The following MORC2 variants were observed in gnomAD, a reference collection of about 807,000 sequenced individuals.
MORC2 encodes the protein MORC family CW-type zinc finger 2, also known as ATPase MORC2.
A neutral mutation model predicts 136.0 loss-of-function variants in MORC2; 30 were observed. The ratio of observed to expected loss-of-function variants is 0.22; its 90% CI spans 0.17 to 0.30. MORC2 has a LOEUF of 0.30. Ranked by LOEUF, MORC2 falls within the 10% of genes least tolerant of loss-of-function variation. The pLI is 1.00. For synonymous variants in MORC2, 439 were observed against 487.0 expected, an observed-to-expected ratio of 0.90 and a Z score of 1.30; for missense variants, 922 against 1,333.1, an observed-to-expected ratio of 0.69 and a Z score of 4.80.
Position 30,940,056 on chromosome 22 carries a change from A to G in MORC2, c.905-15T>C, listed in dbSNP as rs1462542827. 1.2e-6 allele frequency: 2 copies of G among 1,612,566 alleles called. No homozygotes were observed. Among genetic ancestry groups the G allele is most frequent in the Admixed American group, 1.7e-5 (1 of 59,992 alleles). ...CTTCTCTTCAGCTGAAACCCAGAAG[A>G]GAACATGGTAAGAAATGCAAAGGTT... On this transcript the variant is annotated splice_polypyrimidine_tract_variant and intron_variant, in intron 10 of 25. Transcript: ENST00000397641.
chr22:30,954,937 C>T (rs2040944201), intron 3 of MORC2, among the ~76,000 whole-genome samples: 1 of 151,558 alleles, frequency 6.6e-6, no homozygotes, highest in African/African-American at 2.4e-5. Context: ...AAAGGCACCT[C>T]CATCTGGCCT....
In MORC2 at chr22:30,937,804, A is replaced by C; in HGVS notation, c.1369+11T>G. 1 of 1,614,152 alleles carries C rather than the reference A, an allele frequency of 6.2e-7. No individual in the cohort carries two copies. Among genetic ancestry groups the C allele is most frequent in the South Asian group, 1.1e-5 (1 of 91,080 alleles). ...AGAAAAGGCAGAGGCCCAGCAGCCC[A>C]GCCCCATTACCGATGGCAATATCCT... On this transcript the variant is annotated intron_variant, in intron 14 of 25. Coordinates refer to ENST00000397641, the MANE Select transcript of MORC2 (RefSeq NM_001303256.3). This position sits in a 1 kb window ranked among gnomAD's most constrained non-coding sequence, Gnocchi z 4.7.
rs1376305551 is a variant in MORC2 at position 30,939,645 on chromosome 22, T to C, written c.1049A>G (p.Lys350Arg). The change falls in exon 12 of 26, where the codon AAG becomes AGG. Residue 350 changes from lysine (K) to arginine (R), a missense_variant. Lys to Arg is a conservative substitution (Grantham distance 26, BLOSUM62 2). This residue lies in a region of MORC2 where 261 missense variants were observed against 354.3 expected (regional missense o/e 0.74). Coordinates refer to ENST00000397641, the MANE Select transcript of MORC2 (RefSeq NM_001303256.3). ...ITLRREADVK[K>R]RIKEAKQRAL... ...CCGCTGCTTGGCCTCCTTGATCCTC[T>C]TCTTGACATCGGCTTCTCTGCGCAG... The C allele has an allele frequency of 3.7e-6, 6 of 1,614,058 alleles. No individual in the cohort carries two copies. Among genetic ancestry groups the C allele is most frequent in the Non-Finnish European group, 5.1e-6 (6 of 1,180,044 alleles).
rs1174150540 is a variant in MORC2, at chr22:30,967,978, A to G, written c.-89T>C. The stretch of plus-strand genomic sequence containing the variant: ...GATTTCCCAGGATTCTGTCCAGTAA[A>G]GCTTCAGTAAGTCTGTGCTCCTTAA... On this transcript the variant is annotated 5_prime_UTR_variant, in exon 1 of 26. Transcript: ENST00000397641. 1 of 1,151,932 alleles carries G rather than the reference A, an allele frequency of 8.7e-7. No individual in the cohort carries two copies. Among genetic ancestry groups the G allele is most frequent in the Non-Finnish European group, 1.3e-6 (1 of 786,166 alleles). The allele number at this position is 1,151,932 out of a possible 1,614,324, so 71.4% of individuals were successfully genotyped here. A position where few individuals can be genotyped will look rare whatever the true frequency, so the allele number is the denominator to read the frequency against.
intron 16 of MORC2, 56 bp from the exon 17 acceptor site, chr22:30,936,699 GGACC>G: frequency 6.3e-7 from 1 of 1,592,338 alleles, no homozygotes; most frequent in Non-Finnish European, 8.5e-7. Context: ...AGCTCGGCAA[GGACC>G]TTTCTCTTCA....
Position 30,939,664 on chromosome 22 carries a change from T to A in MORC2, c.1030A>T (p.Arg344Ter). The A allele has an allele frequency of 6.2e-7, 1 of 1,614,192 alleles. No homozygotes were observed. Among genetic ancestry groups the A allele is most frequent in the Non-Finnish European group, 8.5e-7 (1 of 1,180,044 alleles). The stretch of plus-strand genomic sequence containing the variant: ...ATCCTCTTCTTGACATCGGCTTCTC[T>A]GCGCAGAGTGATGGCTCTGTTCTGG... ...QVQNRAITLR[R>*]EADVKKRIKE... The change falls in exon 12 of 26, where the codon AGA becomes TGA. Residue 344 changes from arginine to a stop codon, truncating the protein, a stop_gained. Coordinates refer to ENST00000397641, the MANE Select transcript of MORC2 (RefSeq NM_001303256.3). LOFTEE classifies it high-confidence loss of function.
rs1486041184 is a variant in MORC2 at position 30,949,965 on chromosome 22, AAGGAAATTC to A, written c.227-132_227-124del. 51 of 816,994 alleles carry A rather than the reference AAGGAAATTC, an allele frequency of 6.2e-5. 1 individual carries two copies. In the African/African-American group the frequency reaches 7.2e-4, roughly 11 times the overall value. 50.6% of individuals were successfully genotyped at this position (816,994 alleles called of 1,614,324 possible). On this transcript the variant is annotated intron_variant, in intron 4 of 25. Transcript: ENST00000397641. Reference sequence around the variant, plus strand: ...GTGTATCTGCTGAAAACCTCTCTCCAAGGAAATTCACCACCATGAAGCACATGGAGGCAC... The same window carrying A: ...GTGTATCTGCTGAAAACCTCTCTCCAACCACCATGAAGCACATGGAGGCAC...
At position 30,933,931 on chromosome 22, in the gene MORC2, G is replaced by T. The variant is rs1478651453; in HGVS notation, c.2325+129C>A. 14 of 1,084,294 alleles carry T rather than the reference G, an allele frequency of 1.3e-5. No homozygotes were observed. In the East Asian group the frequency reaches 1.5e-4, roughly 11 times the overall value. 67.2% of individuals were successfully genotyped at this position (1,084,294 alleles called of 1,614,324 possible). A position where few individuals can be genotyped will look rare whatever the true frequency, so the allele number is the denominator to read the frequency against. On this transcript the variant is annotated intron_variant, in intron 20 of 25. Coordinates refer to ENST00000397641, the MANE Select transcript of MORC2 (RefSeq NM_001303256.3). Reference sequence around the variant, plus strand: ...GTTGGTGCAGACTGCTGGTGGGGGGGGTAGACTGCTGGTGGGTTGTGTAGA... The same window carrying T: ...GTTGGTGCAGACTGCTGGTGGGGGGTGTAGACTGCTGGTGGGTTGTGTAGA...
chr22:30,933,622 T>C, intron 20 of MORC2, 102 bp from the exon 21 acceptor site: 2 of 1,165,558 alleles, frequency 1.7e-6, no homozygotes, highest in Non-Finnish European at 2.5e-6. Context: ...CTTCACGACT[T>C]CCTGTGCTAC....
intron 25 of MORC2, among the ~76,000 whole-genome samples, chr22:30,927,719 C>T (rs780000140): frequency 1.3e-4 from 20 of 152,224 alleles, no homozygotes; most frequent in Non-Finnish European, 1.9e-4. Flanking sequence ...TTCTGGGCTA[C>T]CCAATCCCAT....
At chr22:30,943,311 C>T (rs2040768346) in intron 6 of MORC2, among the ~76,000 whole-genome samples, 2 of 152,138 alleles carry the variant, frequency 1.3e-5, no homozygotes, top group Non-Finnish European at 2.9e-5. Flanking sequence ...GCAGTTCCTT[C>T]GGGGGCACAA....
Position 30,941,839 on chromosome 22 carries a change from G to C in MORC2, c.698+52C>G, listed in dbSNP as rs2040746136. ...CCCTCTTTCCCTGAAGCCATCTCCT[G>C]AGAGCACAAACGCCAGTTCCAGGGC... On this transcript the variant is annotated intron_variant, in intron 8 of 25. Transcript: ENST00000397641. This position sits in a 1 kb window ranked among gnomAD's most constrained non-coding sequence, Gnocchi z 4.6. The C allele has an allele frequency of 2.0e-6, 3 of 1,464,278 alleles. No individual in the cohort carries two copies. The highest frequency in any genetic ancestry group is 2.9e-6 in the Non-Finnish European group (3 of 1,048,744). The allele number at this position is 1,464,278 out of a possible 1,614,324, so 90.7% of individuals were successfully genotyped here.
At chr22:30,965,373 G>C (rs1243070482) in intron 1 of MORC2, among the ~76,000 whole-genome samples, 3 of 152,162 alleles carry the variant, frequency 2.0e-5, no homozygotes, top group African/African-American at 7.2e-5. Context: ...ATCTTTATGA[G>C]CTACAAGTCA....
At position 30,939,964 on chromosome 22, in the gene MORC2, A is replaced by C; in HGVS notation, c.982T>G (p.Ser328Ala). The C allele has an allele frequency of 1.9e-6, 3 of 1,613,810 alleles. No homozygotes were observed. The highest frequency in any genetic ancestry group is 2.5e-6 in the Non-Finnish European group (3 of 1,179,982). ...CGCCTGGGCCGGGACCTTACCCTGG[A>C]GTCCCGCGTGAGGTCTCCACCTAGG... ...VRLGGDLTRD[S>A]RVMLRQVQNR... is the part of the protein sequence containing the mutation. The change falls in exon 11 of 26, where the codon TCC becomes GCC. Residue 328 changes from serine to alanine, a missense_variant. By Grantham distance (99) the Ser-to-Ala change is moderately conservative. This residue lies in a region of MORC2 where 261 missense variants were observed against 354.3 expected (regional missense o/e 0.74). Transcript: ENST00000397641.
intron 1 of MORC2, among the ~76,000 whole-genome samples, chr22:30,962,936 T>C (rs542882461): frequency 1.9e-4 from 29 of 152,316 alleles, no homozygotes; most frequent in South Asian, 8.3e-4. Context: ...AGTACACTCA[T>C]TGCTAGCTAG....
chr22:30,929,120 C>CTAA (rs377455606), intron 24 of MORC2, among the ~76,000 whole-genome samples: 133 of 152,334 alleles, frequency 8.7e-4, no homozygotes, highest in African/African-American at 2.9e-3. Context: ...CCTTATCCTA[C>CTAA]TAAACCAAGA....
chr22:30,962,467 C>T (rs1361660644), intron 1 of MORC2, among the ~76,000 whole-genome samples: 2 of 151,756 alleles, frequency 1.3e-5, no homozygotes, highest in African/African-American at 4.8e-5. Flanking sequence ...TGGTGGTGTA[C>T]ACCTGTAGTT....
At chr22:30,960,903 C>T (rs1335891993) in intron 1 of MORC2, among the ~76,000 whole-genome samples, 3 of 148,164 alleles carry the variant, frequency 2.0e-5, no homozygotes, top group East Asian at 4.1e-4. Flanking sequence ...CTCACTGCGT[C>T]GCCCAGGCTG....
At chr22:30,965,309 C>A (rs1347534127) in intron 1 of MORC2, among the ~76,000 whole-genome samples, 1 of 152,160 alleles carries the variant, frequency 6.6e-6, no homozygotes, top group East Asian at 1.9e-4. Flanking sequence ...ACAAATCTTC[C>A]CTTCTCTGAA....
Sources: gnomAD v4.1 joint callset for allele counts (sites outside exome capture counted in the v4.1 genomes callset) on GRCh38, gnomAD v4.1.1 for gene constraint, gnomAD v4.1.1 regional missense constraint, Gnocchi (gnomAD v3.1) non-coding constraint, MANE v1.5 for transcripts, NCBI Gene and HGNC (gene_info 2026-07-23, HGNC 2026-07-21) for gene names.